The following PLXDC2 variants were observed in gnomAD, a reference collection of about 807,000 sequenced individuals.
The protein encoded by PLXDC2 is plexin domain-containing protein 2.
In PLXDC2, 40 loss-of-function variants were observed where a neutral mutation model predicts 68.9. The observed-to-expected ratio is 0.58, with a 90% confidence interval of 0.45 to 0.76. PLXDC2 has a LOEUF of 0.76. Ranked by LOEUF, PLXDC2 falls within the 30% of genes least tolerant of loss-of-function variation. The probability of loss-of-function intolerance (pLI) is 0.00; values close to 1 mark genes in which losing one functional copy is unlikely to be tolerated. For missense variants in PLXDC2, 644 were observed against 661.9 expected (o/e 0.97, Z 0.30); for synonymous variants, 243 against 234.2 (o/e 1.04, Z -0.34).
intron 1 of PLXDC2, among the ~76,000 whole-genome samples, chr10:19,994,253 CTTTTTTTT>C (rs528321973): frequency 1.4e-3 from 122 of 87,474 alleles, no homozygotes; most frequent in African/African-American, 3.0e-3. Context: ...TTGTATTCTC[CTTTTTTTT>C]TTTTTTTTTT....
chr10:20,252,056 A>T (rs1835683016), intron 13 of PLXDC2, among the ~76,000 whole-genome samples: 1 of 152,218 alleles, frequency 6.6e-6, no homozygotes. Flanking sequence ...TTTAAAATGA[A>T]ATCAGAAGAA....
At chr10:20,156,452 C>A (rs1010002860) in intron 6 of PLXDC2, among the ~76,000 whole-genome samples, 1 of 152,122 alleles carries the variant, frequency 6.6e-6, no homozygotes, top group African/African-American at 2.4e-5. Context: ...CCCTGGAAGC[C>A]CTTGTCTTGC....
At chr10:20,173,001 T>G (rs1264620174) in intron 7 of PLXDC2, among the ~76,000 whole-genome samples, 1 of 152,252 alleles carries the variant, frequency 6.6e-6, no homozygotes, top group Non-Finnish European at 1.5e-5. Context: ...GCTACTTTAT[T>G]TAACAACTCC....
intron 13 of PLXDC2, among the ~76,000 whole-genome samples, chr10:20,267,154 T>C (rs1835882531): frequency 6.6e-6 from 1 of 152,188 alleles, no homozygotes; most frequent in African/African-American, 2.4e-5. Context: ...ATGTTTTAGT[T>C]GAATCATTCA....
intron 4 of PLXDC2, among the ~76,000 whole-genome samples, chr10:20,119,104 G>C (rs183289738): frequency 2.6e-5 from 4 of 152,154 alleles, no homozygotes; most frequent in African/African-American, 9.6e-5. Context: ...GAGGCATCCA[G>C]GAGAGTATAT....
chr10:20,027,063 A>G (rs1835417932), intron 2 of PLXDC2, among the ~76,000 whole-genome samples: 3 of 138,918 alleles, frequency 2.2e-5, no homozygotes, highest in Admixed American at 1.5e-4. Flanking sequence ...TATAGAATAC[A>G]CTTTTATAAT....
chr10:20,164,364 C>T lies in PLXDC2; in HGVS notation c.784-104C>T, dbSNP rs1345509042. The T allele has an allele frequency of 8.6e-6, 8 of 935,322 alleles. No homozygotes were observed. In the East Asian group the frequency reaches 1.8e-4, roughly 21 times the overall value. 57.9% of individuals were successfully genotyped at this position (935,322 alleles called of 1,614,324 possible). On this transcript the variant is annotated intron_variant, in intron 6 of 13. Coordinates refer to ENST00000377252, the MANE Select transcript of PLXDC2 (RefSeq NM_032812.9). ...TTTGACTCCCTTTCTAGTCTTTTAT[C>T]TCCTTCCCATGGTTTTGTCCATGAA...
intron 1 of PLXDC2, among the ~76,000 whole-genome samples, chr10:19,905,523 C>A (rs1833143352): frequency 6.6e-6 from 1 of 152,178 alleles, no homozygotes; most frequent in African/African-American, 2.4e-5. Context: ...GGAAGACTCA[C>A]ATACTTAAAA....
intron 1 of PLXDC2, among the ~76,000 whole-genome samples, chr10:19,905,276 G>T (rs1291424782): frequency 1.3e-5 from 2 of 152,226 alleles, no homozygotes; most frequent in African/African-American, 4.8e-5. Context: ...ACGATAGTCA[G>T]TGGACATAAT....
chr10:20,008,384 G>T (rs929427376), intron 2 of PLXDC2, among the ~76,000 whole-genome samples: 5 of 152,012 alleles, frequency 3.3e-5, no homozygotes, highest in African/African-American at 1.2e-4. Context: ...GTGAAACCCT[G>T]CCTCTACTAA....
chr10:20,021,811 G>C (rs747458326), intron 2 of PLXDC2, among the ~76,000 whole-genome samples: 1 of 152,034 alleles, frequency 6.6e-6, no homozygotes, highest in African/African-American at 2.4e-5. Context: ...CCATTCTCCT[G>C]TCTCAGCCTC....
intron 6 of PLXDC2, among the ~76,000 whole-genome samples, chr10:20,151,980 A>G (rs1193831122): frequency 1.3e-5 from 2 of 152,142 alleles, no homozygotes; most frequent in African/African-American, 4.8e-5. Flanking sequence ...TTTAATTACC[A>G]TTAAATTTTA....
chr10:20,196,594 A>T (rs1834841264), intron 9 of PLXDC2, among the ~76,000 whole-genome samples: 1 of 152,148 alleles, frequency 6.6e-6, no homozygotes, highest in Non-Finnish European at 1.5e-5. Context: ...GATACCACCC[A>T]GTAATCTCCA....
intron 4 of PLXDC2, among the ~76,000 whole-genome samples, chr10:20,095,800 G>T (rs1833342024): frequency 6.6e-6 from 1 of 152,132 alleles, no homozygotes; most frequent in African/African-American, 2.4e-5. Flanking sequence ...ATTGGAGAAG[G>T]ATGATGCTTA....
chr10:20,184,517 G>T lies in PLXDC2; in HGVS notation c.1061+7108G>T, dbSNP rs143594345. On this transcript the variant is annotated intron_variant, in intron 9 of 13. Transcript: ENST00000377252. ...GCTAATTGGTTAATAATATGAAAAT[G>T]TATTATTGATTAAAATTAATTAAGG... is the stretch of plus-strand genomic sequence containing the variant. 1.6e-3 allele frequency among the ~76,000 whole-genome samples: 242 copies of T among 151,770 alleles called. 1 individual carries two copies. Among genetic ancestry groups the T allele is most frequent in the African/African-American group, 5.4e-3 (226 of 41,484 alleles).
intron 1 of PLXDC2, among the ~76,000 whole-genome samples, chr10:19,883,297 AAG>A (rs1193854855): frequency 6.6e-6 from 1 of 152,084 alleles, no homozygotes; most frequent in African/African-American, 2.4e-5. Context: ...TGCAAGTTAA[AAG>A]TGCGTATTTT....
intron 1 of PLXDC2, among the ~76,000 whole-genome samples, chr10:19,965,004 A>G (rs774465449): frequency 2.1e-4 from 32 of 152,308 alleles, no homozygotes; most frequent in Admixed American, 3.9e-4. Flanking sequence ...GCAAGTCCCC[A>G]TTTCAGAGAC....
intron 1 of PLXDC2, among the ~76,000 whole-genome samples, chr10:19,975,251 G>C (rs1354476280): frequency 6.6e-6 from 1 of 152,006 alleles, no homozygotes; most frequent in East Asian, 1.9e-4. Context: ...TCAGGAGATT[G>C]AGACCATCCT....
rs1835099978 is a variant in PLXDC2 at position 20,010,791 on chromosome 10, AG to A, written c.324+8808del. On this transcript the variant is annotated intron_variant, in intron 2 of 13. Transcript: ENST00000377252. ...TCATATTTAATCTCCCCATTCCCCA[AG>A]GGATCCTAAGATTAATTATATGATC... is the stretch of plus-strand genomic sequence containing the variant. Among the ~76,000 whole-genome samples, 4 of 152,182 alleles carry A rather than the reference AG, an allele frequency of 2.6e-5. No individual in the cohort carries two copies. The South Asian group carries it at 8.3e-4, about 31-fold the overall frequency.
Sources: gnomAD v4.1 joint callset for allele counts (sites outside exome capture counted in the v4.1 genomes callset) on GRCh38, gnomAD v4.1.1 for gene constraint, MANE v1.5 for transcripts, NCBI Gene and HGNC (gene_info 2026-07-23, HGNC 2026-07-21) for gene names.